OR51B5: variants seen among roughly 807,000 people sequenced by gnomAD.
The protein encoded by OR51B5 is olfactory receptor 51B5.
For missense variants in OR51B5, 456 were observed against 374.6 expected (o/e 1.22, Z -1.79); for synonymous variants, 186 against 144.8 (o/e 1.28, Z -2.04).
At chr11:5,473,459 A>G (rs1282572147) in intron 1 of OR51B5, among the ~76,000 whole-genome samples, 1 of 152,212 alleles carries the variant, frequency 6.6e-6, no homozygotes, top group African/African-American at 2.4e-5. Context: ...ACAGAGTTCA[A>G]ACAGTGTTAG....
At chr11:5,481,713 C>T (rs1363131950) in intron 1 of OR51B5, among the ~76,000 whole-genome samples, 4 of 113,110 alleles carry the variant, frequency 3.5e-5, no homozygotes, top group Admixed American at 8.8e-5. Flanking sequence ...TATACACCAA[C>T]AACAGACAGA....
intron 1 of OR51B5, chr11:5,422,406 C>A (rs1850354821): frequency 1.2e-6 from 2 of 1,613,994 alleles, no homozygotes; most frequent in African/African-American, 1.3e-5. Flanking sequence ...TCCATGCTGG[C>A]CCTGACGGAC....
chr11:5,504,196 T>TA (rs889442879), intron 1 of OR51B5, among the ~76,000 whole-genome samples: 4 of 152,138 alleles, frequency 2.6e-5, no homozygotes, highest in African/African-American at 9.7e-5. Flanking sequence ...TTTGTTTTTT[T>TA]AAAGAAAAAA....
chr11:5,436,154 G>C (rs1288399398), intron 1 of OR51B5, among the ~76,000 whole-genome samples: 1 of 152,168 alleles, frequency 6.6e-6, no homozygotes, highest in East Asian at 1.9e-4. Context: ...GGACACTGAA[G>C]GAATGAGTGA....
At chr11:5,342,485 C>T, downstream of OR51B5, 2 of 1,383,190 alleles carry the variant, frequency 1.4e-6, no homozygotes, top group Non-Finnish European at 1.9e-6. Flanking sequence ...ACCTATTTTA[C>T]CAAGTCATAT....
intron 1 of OR51B5, chr11:5,454,646 A>G (rs1173935509): frequency 1.0e-5 from 4 of 397,468 alleles, no homozygotes; most frequent in Non-Finnish European, 1.8e-5. Context: ...ATTGGGGGCA[A>G]TTGAGTAATT....
rs3219794 is a variant in OR51B5, at chr11:5,363,237, T to TCACA, written n.85-16331_85-16328dup. Among the ~76,000 whole-genome samples, 243 of 143,112 alleles carry TCACA rather than the reference T, an allele frequency of 1.7e-3. 3 individuals are homozygous for TCACA. The East Asian group carries it at 0.03, about 18-fold the overall frequency. 93.9% of individuals were successfully genotyped at this position (143,112 alleles called of 152,430 possible). A position where few individuals can be genotyped will look rare whatever the true frequency, so the allele number is the denominator to read the frequency against. On this transcript the variant is annotated intron_variant and non_coding_transcript_variant, in intron 1 of 4. Transcript: ENST00000415970. Reference sequence around the variant, plus strand: ...GTTTCCCCACAACGAACCCAACCCCTCACACACACACACACACACACACAC... The same window carrying TCACA: ...GTTTCCCCACAACGAACCCAACCCCTCACACACACACACACACACACACACACAC...
chr11:5,423,064 G>A, intron 1 of OR51B5: 2 of 1,614,046 alleles, frequency 1.2e-6, no homozygotes, highest in Non-Finnish European at 1.7e-6. Flanking sequence ...CACCCCCGGT[G>A]ATGAACCCCA....
intron 1 of OR51B5, chr11:5,423,247 T>G: frequency 7.1e-7 from 1 of 1,408,960 alleles, no homozygotes; most frequent in Non-Finnish European, 9.3e-7. Flanking sequence ...TAAAACTTCA[T>G]CATAATATTA....
At chr11:5,426,800 G>T (rs759293632) in intron 1 of OR51B5, among the ~76,000 whole-genome samples, 19 of 152,038 alleles carry the variant, frequency 1.2e-4, no homozygotes, top group Non-Finnish European at 8.8e-5. Context: ...ATTACAGAAA[G>T]TACCTCCAGA....
chr11:5,364,226 C>A lies in OR51B5; in HGVS notation n.85-17316G>T, dbSNP rs542980091. ...CAAACTTTAAGTTCAAAAAGCTCAT[C>A]TAGCTATGACAAAGTTTGACATAGT... On this transcript the variant is annotated intron_variant and non_coding_transcript_variant, in intron 1 of 4. Coordinates refer to the OR51B5 transcript ENST00000415970. Among the ~76,000 whole-genome samples the A allele has an allele frequency of 2.0e-5, 3 of 152,312 alleles. No homozygotes were observed. In the East Asian group the frequency reaches 5.8e-4, roughly 29 times the overall value.
chr11:5,356,594 G>A (rs139428112), intron 1 of OR51B5, among the ~76,000 whole-genome samples: 8,824 of 140,420 alleles, frequency 0.063, 603 homozygotes, highest in Middle Eastern at 0.15. Context: ...TAGCAAGGCA[G>A]GTCAACATTC....
At chr11:5,457,982 T>A (rs1430116626) in intron 1 of OR51B5, among the ~76,000 whole-genome samples, 1 of 152,214 alleles carries the variant, frequency 6.6e-6, no homozygotes, top group Non-Finnish European at 1.5e-5. Flanking sequence ...TTCCTACTTG[T>A]ATATTTTTGT....
intron 1 of OR51B5, among the ~76,000 whole-genome samples, chr11:5,421,386 A>G (rs1850334464): frequency 6.6e-6 from 1 of 152,270 alleles, no homozygotes; most frequent in Non-Finnish European, 1.5e-5. Context: ...GTGAATCATC[A>G]GGAAAAAGAA....
intron 1 of OR51B5, among the ~76,000 whole-genome samples, chr11:5,463,964 T>C (rs1851095328): frequency 6.6e-6 from 1 of 152,304 alleles, no homozygotes; most frequent in East Asian, 1.9e-4. Context: ...ATGTCAACTG[T>C]ATGAGGACAG....
At chr11:5,373,027 C>T (rs760058078) in intron 1 of OR51B5, among the ~76,000 whole-genome samples, 5 of 152,128 alleles carry the variant, frequency 3.3e-5, no homozygotes, top group Non-Finnish European at 7.4e-5. Context: ...TACGTATATA[C>T]AGTCCAGTAA....
chr11:5,439,624 A>C (rs969158443), intron 1 of OR51B5, among the ~76,000 whole-genome samples: 1 of 152,174 alleles, frequency 6.6e-6, no homozygotes, highest in Admixed American at 6.6e-5. Flanking sequence ...ATGTCTAAAG[A>C]AAGTCCTCAG....
chr11:5,424,680 G>A (rs1850415325), intron 1 of OR51B5, among the ~76,000 whole-genome samples: 1 of 151,934 alleles, frequency 6.6e-6, no homozygotes, highest in Non-Finnish European at 1.5e-5. Context: ...TCTGTAAGTA[G>A]CATTAGAAGT....
At chr11:5,486,151 C>T (rs576532749) in intron 1 of OR51B5, among the ~76,000 whole-genome samples, 1 of 151,760 alleles carries the variant, frequency 6.6e-6, no homozygotes, top group South Asian at 2.1e-4. Flanking sequence ...GTTATTAAAC[C>T]TCTCAGTCTG....
Sources: gnomAD v4.1 joint callset for allele counts (sites outside exome capture counted in the v4.1 genomes callset) on GRCh38, gnomAD v4.1.1 for gene constraint, MANE v1.5 for transcripts, NCBI Gene and HGNC (gene_info 2026-07-23, HGNC 2026-07-21) for gene names.